Variants in RPAP3 observed in about 807,000 individuals in gnomAD.
RPAP3 encodes RNA polymerase II associated protein 3.
In RPAP3, 58 loss-of-function variants were observed where a neutral mutation model predicts 88.8. The ratio of observed to expected loss-of-function variants is 0.65; its 90% CI spans 0.53 to 0.81. RPAP3 has a LOEUF of 0.81. RPAP3 is among the 40% of genes least tolerant of loss of function. The probability of loss-of-function intolerance (pLI) is 0.00; values close to 1 mark genes in which losing one functional copy is unlikely to be tolerated. For missense variants in RPAP3, 751 were observed against 764.3 expected, an observed-to-expected ratio of 0.98 and a Z score of 0.20; for synonymous variants, 255 against 259.9, an observed-to-expected ratio of 0.98 and a Z score of 0.18.
At chr12:47,700,041 T>C (rs1939626646) in intron 3 of RPAP3, 1 of 147,842 alleles carries the variant, frequency 6.8e-6, no homozygotes, top group South Asian at 2.2e-4. Flanking sequence ...TGGCCCAGGC[T>C]GCAGTGCAGT....
At chr12:47,704,929 G>A (rs972541571) in intron 1 of RPAP3, among the ~76,000 whole-genome samples, 1 of 151,912 alleles carries the variant, frequency 6.6e-6, no homozygotes, top group African/African-American at 2.4e-5. Flanking sequence ...GGGAGGATCG[G>A]GAGATCGAGG....
chr12:47,698,077 T>G (rs944736242), intron 3 of RPAP3, among the ~76,000 whole-genome samples: 1 of 152,138 alleles, frequency 6.6e-6, no homozygotes, highest in Non-Finnish European at 1.5e-5. Flanking sequence ...CAGAAAAAGT[T>G]TAAAAAAAAA....
chr12:47,664,368 C>T (rs1261988702), intron 16 of RPAP3, among the ~76,000 whole-genome samples: 1 of 151,920 alleles, frequency 6.6e-6, no homozygotes, highest in Non-Finnish European at 1.5e-5. Context: ...CCAGCCTGGG[C>T]GACAGAGCGA....
intron 5 of RPAP3, among the ~76,000 whole-genome samples, chr12:47,692,304 G>A (rs1436153898): frequency 6.6e-6 from 1 of 152,254 alleles, no homozygotes; most frequent in Non-Finnish European, 1.5e-5. Flanking sequence ...ACAGAAGGCT[G>A]TTTAGTCAAC....
chr12:47,686,043 G>A (rs1172859092), intron 9 of RPAP3, among the ~76,000 whole-genome samples: 1 of 152,100 alleles, frequency 6.6e-6, no homozygotes, highest in Middle Eastern at 3.2e-3. Flanking sequence ...CCTGAGAAGC[G>A]TTCAACATAC....
intron 16 of RPAP3, 116 bp from the exon 17 acceptor site, chr12:47,663,706 T>A (rs1408103328): frequency 3.7e-6 from 2 of 542,818 alleles, no homozygotes; most frequent in African/African-American, 2.0e-5. Flanking sequence ...AAGCAATACA[T>A]AGGTTTATAA....
At chr12:47,676,360 T>C (rs566391496) in intron 12 of RPAP3, among the ~76,000 whole-genome samples, 2 of 151,996 alleles carry the variant, frequency 1.3e-5, no homozygotes, top group African/African-American at 4.8e-5. Flanking sequence ...AGCAAACAAA[T>C]TCAAAACCTA....
intron 12 of RPAP3, among the ~76,000 whole-genome samples, chr12:47,676,146 C>T (rs530309454): frequency 1.6e-4 from 25 of 152,320 alleles, no homozygotes; most frequent in Non-Finnish European, 3.2e-4. Flanking sequence ...TGAATGACTA[C>T]TGGGTAACTA....
intron 16 of RPAP3, among the ~76,000 whole-genome samples, chr12:47,665,223 A>G (rs1660924209): frequency 6.6e-6 from 1 of 151,840 alleles, no homozygotes; most frequent in Non-Finnish European, 1.5e-5. Flanking sequence ...GAGCCTCCCA[A>G]GTAGCTGGGA....
chr12:47,699,073 GA>G (rs1182020822), intron 3 of RPAP3, among the ~76,000 whole-genome samples: 1 of 152,146 alleles, frequency 6.6e-6, no homozygotes, highest in Non-Finnish European at 1.5e-5. Context: ...GACATGTATA[GA>G]AAACTAACAG....
chr12:47,702,602 G>C, intron 2 of RPAP3, 86 bp downstream of exon 2: 1 of 1,118,470 alleles, frequency 8.9e-7, no homozygotes, highest in Admixed American at 2.8e-5. Flanking sequence ...TTCAATTTCA[G>C]TATTTTCACA....
intron 5 of RPAP3, among the ~76,000 whole-genome samples, chr12:47,694,500 C>G (rs7298221): frequency 0.037 from 5,666 of 151,872 alleles, 348 homozygotes; most frequent in African/African-American, 0.12. Flanking sequence ...TTTAAAAAAT[C>G]AAGAAGTTGA....
At chr12:47,692,771 G>A (rs1212328095) in intron 5 of RPAP3, among the ~76,000 whole-genome samples, 2 of 152,178 alleles carry the variant, frequency 1.3e-5, no homozygotes, top group Admixed American at 6.5e-5. Flanking sequence ...CTTGGCTTTC[G>A]ACATGCCGTC....
chr12:47,687,959 T>C lies in RPAP3; in HGVS notation c.781A>G (p.Ile261Val). The C allele has an allele frequency of 6.2e-7, 1 of 1,613,536 alleles. No individual in the cohort carries two copies. Residue 261 changes from isoleucine (I) to valine (V), a missense_variant, in exon 8 of 17, where the codon ATA becomes GTA. By Grantham distance (29) the Ile-to-Val change is conservative. Coordinates refer to ENST00000005386, the MANE Select transcript of RPAP3 (RefSeq NM_024604.3). The stretch of plus-strand genomic sequence containing the variant: ...TCTCCTTCTGTTGACTTAATCACTA[T>C]GTCAGCTTCCTTTGGATATGAGTTT... The part of the protein sequence containing the change: ...KENSYPKEAD[I>V]VIKSTEGERK...
At chr12:47,683,226 T>C (rs183350217) in intron 9 of RPAP3, among the ~76,000 whole-genome samples, 1 of 152,342 alleles carries the variant, frequency 6.6e-6, no homozygotes, top group Admixed American at 6.5e-5. Flanking sequence ...TGAACTCCTA[T>C]AGCACGTGTC....
intron 12 of RPAP3, among the ~76,000 whole-genome samples, chr12:47,676,468 T>A (rs886984139): frequency 2.0e-5 from 3 of 152,106 alleles, no homozygotes; most frequent in Non-Finnish European, 4.4e-5. Context: ...GCTGGTTTTT[T>A]GAAAAGATCA....
chr12:47,683,272 T>C (rs146615165), intron 9 of RPAP3, among the ~76,000 whole-genome samples: 14 of 152,330 alleles, frequency 9.2e-5, no homozygotes, highest in Admixed American at 3.9e-4. Context: ...TTCACAAATA[T>C]TGGTCTCCTT....
chr12:47,669,411 T>A lies in RPAP3; in HGVS notation c.1527-309A>T, dbSNP rs970517729. The stretch of plus-strand genomic sequence containing the variant: ...TACCATGTCACATACACTAATGATT[T>A]AGCCTTTCAAAGATCTAAATGATCA... On this transcript the variant is annotated intron_variant, in intron 13 of 16. Coordinates refer to ENST00000005386, the MANE Select transcript of RPAP3 (RefSeq NM_024604.3). Among the ~76,000 whole-genome samples, 12 of 152,172 alleles carry A rather than the reference T, an allele frequency of 7.9e-5. 1 individual carries two copies. Among genetic ancestry groups the A allele is most frequent in the Admixed American group, 5.9e-4 (9 of 15,274 alleles).
At chr12:47,672,256 G>A (rs1939014345) in intron 12 of RPAP3, among the ~76,000 whole-genome samples, 1 of 152,112 alleles carries the variant, frequency 6.6e-6, no homozygotes, top group Non-Finnish European at 1.5e-5. Context: ...CAAGCTGCCA[G>A]CCCTTCAAGC....
Sources: allele counts gnomAD v4.1 joint callset (sites outside exome capture counted in the v4.1 genomes callset), GRCh38; gene constraint gnomAD v4.1.1; transcripts MANE v1.5; gene names NCBI Gene and HGNC (gene_info 2026-07-23, HGNC 2026-07-21).